Variants in PRKCA observed in about 807,000 individuals in gnomAD.
PRKCA encodes protein kinase C alpha, also known as protein kinase C alpha type.
A neutral mutation model predicts 87.0 loss-of-function variants in PRKCA; 27 were observed. That is an observed-to-expected ratio of 0.31 (90% CI 0.23 to 0.43). PRKCA has a LOEUF of 0.43. PRKCA is among the 20% of genes least tolerant of loss of function. The pLI is 1.00. For synonymous variants in PRKCA, 329 were observed against 311.1 expected, an observed-to-expected ratio of 1.06 and a Z score of -0.61; for missense variants, 518 against 852.3, an observed-to-expected ratio of 0.61 and a Z score of 4.88.
intron 3 of PRKCA, among the ~76,000 whole-genome samples, chr17:66,503,068 T>C (rs1311499411): frequency 2.0e-5 from 3 of 152,188 alleles, no homozygotes; most frequent in Non-Finnish European, 4.4e-5. Context: ...CTTTAGAGTG[T>C]TTACTCTGTG....
intron 3 of PRKCA, among the ~76,000 whole-genome samples, chr17:66,590,720 G>A (rs1969775468): frequency 6.6e-6 from 1 of 152,056 alleles, no homozygotes; most frequent in South Asian, 2.1e-4. Flanking sequence ...CATGATGGCG[G>A]GTGCCTATAA....
intron 3 of PRKCA, among the ~76,000 whole-genome samples, chr17:66,534,065 C>T (rs1967671622): frequency 6.6e-6 from 1 of 150,480 alleles, no homozygotes; most frequent in Non-Finnish European, 1.5e-5. Flanking sequence ...AACTGCTGCC[C>T]CCCGCACCCC....
chr17:66,778,426 G>A (rs1975116004), intron 14 of PRKCA, among the ~76,000 whole-genome samples: 1 of 152,216 alleles, frequency 6.6e-6, no homozygotes, highest in South Asian at 2.1e-4. Context: ...TGAGGCAGGA[G>A]AATGGCGTGA....
intron 1 of PRKCA, among the ~76,000 whole-genome samples, chr17:66,304,176 A>G (rs909419329): frequency 5.9e-5 from 9 of 152,234 alleles, no homozygotes; most frequent in African/African-American, 2.2e-4. Context: ...TGGAGAATCG[A>G]TACATAGAAG....
chr17:66,521,350 T>C (rs1444241751), intron 3 of PRKCA, among the ~76,000 whole-genome samples: 3 of 152,206 alleles, frequency 2.0e-5, no homozygotes, highest in African/African-American at 7.2e-5. Context: ...TTCTCATTTT[T>C]ATAGTTTTTA....
chr17:66,496,372 CTTACTG>C (rs1221883100), intron 3 of PRKCA, 89 bp downstream of exon 3: 4 of 1,135,526 alleles, frequency 3.5e-6, no homozygotes, highest in Non-Finnish European at 5.3e-6. Context: ...AGTTTTGGCA[CTTACTG>C]TTAATGGGAA....
intron 3 of PRKCA, among the ~76,000 whole-genome samples, chr17:66,570,055 C>T (rs754007048): frequency 6.6e-6 from 1 of 152,162 alleles, no homozygotes; most frequent in Non-Finnish European, 1.5e-5. Flanking sequence ...GGGTACTGTG[C>T]AGCCCTGAAT....
rs181211343 is a variant in PRKCA, at chr17:66,388,036, A to G, written c.205+81909A>G. Among the ~76,000 whole-genome samples the G allele has an allele frequency of 1.9e-4, 29 of 152,222 alleles. No homozygotes were observed. The East Asian group carries it at 2.3e-3, about 12-fold the overall frequency. On this transcript the variant is annotated intron_variant, in intron 2 of 16. Coordinates refer to ENST00000413366, the MANE Select transcript of PRKCA (RefSeq NM_002737.3). ...TGGAGTATCTCTTTTTGAAATAGCT[A>G]TCTCAGCTTCAACATAGCAGAGCGG...
At chr17:66,571,021 G>A (rs1969064656) in intron 3 of PRKCA, among the ~76,000 whole-genome samples, 1 of 152,210 alleles carries the variant, frequency 6.6e-6, no homozygotes, top group African/African-American at 2.4e-5. Context: ...TTTGCAAATT[G>A]CAACTGCAGA....
At position 66,741,729 on chromosome 17, in the gene PRKCA, T is replaced by C. The variant is rs1314645432; in HGVS notation, c.1385+8T>C. On this transcript the variant is annotated splice_region_variant and intron_variant, in intron 12 of 16. Transcript: ENST00000413366. ...AAGAGGAATCATTTATAGGTGTGTA[T>C]TGAAGCCCTCCTACCAGCAGCTCAG... 1 of 1,613,756 alleles carries C rather than the reference T, an allele frequency of 6.2e-7. No individual in the cohort carries two copies. The highest frequency in any genetic ancestry group is 8.5e-7 in the Non-Finnish European group (1 of 1,179,816).
At chr17:66,717,477 G>A (rs947192725) in intron 8 of PRKCA, among the ~76,000 whole-genome samples, 1 of 152,196 alleles carries the variant, frequency 6.6e-6, no homozygotes, top group Non-Finnish European at 1.5e-5. Context: ...TAGACATATC[G>A]CGGTGCCCCC....
intron 2 of PRKCA, among the ~76,000 whole-genome samples, chr17:66,409,033 C>CA (rs10661202): frequency 0.15 from 11,464 of 76,982 alleles, 1,236 homozygotes; most frequent in African/African-American, 0.26. Flanking sequence ...TCCCCAGTCT[C>CA]AAAAAAAAAA....
chr17:66,774,014 T>C lies in PRKCA; in HGVS notation c.1552T>C (p.Ser518Pro), dbSNP rs1181432857. ...EIIAYQPYGK[S>P]VDWWAYGVLL... Reference sequence around the variant, plus strand: ...AATCGCTTATCAGCCGTATGGAAAATCTGTGGACTGGTGGGCCTATGGCGT... The same window carrying C: ...AATCGCTTATCAGCCGTATGGAAAACCTGTGGACTGGTGGGCCTATGGCGT... Residue 518 changes from serine to proline, a missense_variant, in exon 14 of 17, where the codon TCT becomes CCT. Coordinates refer to ENST00000413366, the MANE Select transcript of PRKCA (RefSeq NM_002737.3). 6.2e-7 allele frequency: 1 copy of C among 1,614,034 alleles called. No homozygotes were observed. The highest frequency in any genetic ancestry group is 2.2e-5 in the East Asian group (1 of 44,852).
chr17:66,610,970 G>C (rs1317546875), intron 3 of PRKCA, among the ~76,000 whole-genome samples: 3 of 151,856 alleles, frequency 2.0e-5, no homozygotes, highest in Admixed American at 6.6e-5. Flanking sequence ...AAAGAACAAG[G>C]ACATTACAAG....
chr17:66,645,624 C>A, intron 5 of PRKCA, 113 bp downstream of exon 5: 2 of 1,458,048 alleles, frequency 1.4e-6, no homozygotes, highest in Non-Finnish European at 1.9e-6. Context: ...TCTGGAGAGG[C>A]AGTCGCCCTG....
chr17:66,419,118 CGT>C (rs1912346363), intron 2 of PRKCA, among the ~76,000 whole-genome samples: 1 of 151,952 alleles, frequency 6.6e-6, no homozygotes, highest in South Asian at 2.1e-4. Flanking sequence ...CCATATCTTG[CGT>C]ATATACATGG....
At chr17:66,609,031 T>G (rs1432560812) in intron 3 of PRKCA, among the ~76,000 whole-genome samples, 1 of 152,206 alleles carries the variant, frequency 6.6e-6, no homozygotes, top group African/African-American at 2.4e-5. Context: ...AGAACTCATA[T>G]AGGATCTAGA....
At chr17:66,548,415 G>A (rs1968213916) in intron 3 of PRKCA, among the ~76,000 whole-genome samples, 1 of 152,114 alleles carries the variant, frequency 6.6e-6, no homozygotes, top group South Asian at 2.1e-4. Context: ...TCTACTGTGA[G>A]CAAAGTTCAA....
At chr17:66,549,926 T>G (rs186994781) in intron 3 of PRKCA, among the ~76,000 whole-genome samples, 136 of 152,274 alleles carry the variant, frequency 8.9e-4, no homozygotes, top group African/African-American at 3.1e-3. Flanking sequence ...TATGGAAATG[T>G]GAGTCACCTC....
Sources: allele counts gnomAD v4.1 joint callset (sites outside exome capture counted in the v4.1 genomes callset), GRCh38; gene constraint gnomAD v4.1.1; transcripts MANE v1.5; gene names NCBI Gene and HGNC (gene_info 2026-07-23, HGNC 2026-07-21).